NLGN4X: variants seen among roughly 807,000 people sequenced by gnomAD.
NLGN4X encodes the protein neuroligin 4 X-linked, also known as neuroligin-4, X-linked.
NLGN4X carries 3 observed loss-of-function variants against 40.3 expected under a neutral mutation model. The observed-to-expected ratio is 0.07, with a 90% CI of 0.03 to 0.19. The LOEUF (loss-of-function observed/expected upper bound fraction) is 0.19. NLGN4X is among the 10% of genes least tolerant of loss of function. The probability of loss-of-function intolerance (pLI) is 1.00; values close to 1 mark genes in which losing one functional copy is unlikely to be tolerated. For missense variants in NLGN4X, 382 were observed against 708.3 expected, an observed-to-expected ratio of 0.54 and a Z score of 5.23; for synonymous variants, 270 against 306.8, an observed-to-expected ratio of 0.88 and a Z score of 1.25.
intron 3 of NLGN4X, among the ~76,000 whole-genome samples, chrX:5,950,907 T>A (rs1481876912): frequency 3.6e-5 from 4 of 111,730 alleles, no homozygotes; most frequent in Non-Finnish European, 7.5e-5. Flanking sequence ...AGAAGAAACA[T>A]CCCCACCACA....
At chrX:6,009,006 T>C (rs925849058) in intron 3 of NLGN4X, among the ~76,000 whole-genome samples, 18 of 112,092 alleles carry the variant, frequency 1.6e-4, no homozygotes, top group Admixed American at 9.5e-5. Flanking sequence ...GGTTTATTTA[T>C]GTTGTAGCAT....
chrX:6,008,542 GTTAC>G (rs895805613), intron 3 of NLGN4X, among the ~76,000 whole-genome samples: 1 of 111,507 alleles, frequency 9.0e-6, no homozygotes, highest in African/African-American at 3.3e-5. Context: ...GTTTTTAAAA[GTTAC>G]TTTATTTTCT....
chrX:5,890,797 T>C lies in NLGN4X; in HGVS notation c.*2020A>G, dbSNP rs1278839166. The C allele has an allele frequency of 3.3e-5, 10 of 298,633 alleles. No individual in the cohort carries two copies. The highest frequency in any genetic ancestry group is 3.0e-4 in the Admixed American group (8 of 26,652). The allele number at this position is 298,633 out of a possible 1,213,427, so 24.6% of individuals were successfully genotyped here. A position where few individuals can be genotyped will look rare whatever the true frequency, so the allele number is the denominator to read the frequency against. ...CTCAAATTTAACCCAAGATAAGCAA[T>C]AGGATTTGGGGGTGACTTGTACGCA... On this transcript the variant is annotated 3_prime_UTR_variant, in exon 6 of 6. Coordinates refer to ENST00000381095, the MANE Select transcript of NLGN4X (RefSeq NM_181332.3).
chrX:6,185,733 G>GAA (rs371281478), intron 1 of NLGN4X, among the ~76,000 whole-genome samples: 1 of 111,718 alleles, frequency 9.0e-6, no homozygotes, highest in Non-Finnish European at 1.9e-5. Flanking sequence ...ATTGGAGTGT[G>GAA]AAAAAAACAG....
At chrX:5,911,208 G>A (rs1415135031) in intron 3 of NLGN4X, among the ~76,000 whole-genome samples, 1 of 111,704 alleles carries the variant, frequency 9.0e-6, no homozygotes, top group East Asian at 2.8e-4. Flanking sequence ...TTTTCTAACA[G>A]AACGATTCTG....
intron 3 of NLGN4X, among the ~76,000 whole-genome samples, chrX:5,931,116 T>C (rs970398546): frequency 8.9e-6 from 1 of 111,882 alleles, no homozygotes; most frequent in African/African-American, 3.3e-5. Context: ...TAGTGATGGG[T>C]TGGGAGGCAG....
At chrX:5,996,286 T>C (rs1378524351) in intron 3 of NLGN4X, among the ~76,000 whole-genome samples, 2 of 112,392 alleles carry the variant, frequency 1.8e-5, no homozygotes, top group African/African-American at 3.2e-5. Context: ...GGTGTGCCCA[T>C]CTAGATAAGA....
At chrX:6,081,191 G>C (rs999311030) in intron 2 of NLGN4X, among the ~76,000 whole-genome samples, 2 of 111,752 alleles carry the variant, frequency 1.8e-5, no homozygotes, top group African/African-American at 6.5e-5. Flanking sequence ...CAGAGGCTGA[G>C]GTGGGAGGAT....
At chrX:5,944,055 T>C (rs750222832) in intron 3 of NLGN4X, among the ~76,000 whole-genome samples, 20 of 112,081 alleles carry the variant, frequency 1.8e-4, no homozygotes, top group Non-Finnish European at 3.4e-4. Context: ...GTAGCTCAGA[T>C]TACCTGGCTT....
chrX:6,050,995 G>A (rs1175622021), intron 2 of NLGN4X, among the ~76,000 whole-genome samples: 4 of 111,719 alleles, frequency 3.6e-5, no homozygotes, highest in East Asian at 2.8e-4. Flanking sequence ...CCCACAAGAT[G>A]AGACCAGAGG....
intron 1 of NLGN4X, among the ~76,000 whole-genome samples, chrX:6,173,086 C>A (rs971913843): frequency 8.9e-6 from 1 of 112,361 alleles, no homozygotes; most frequent in Middle Eastern, 4.2e-3. Flanking sequence ...CGCCCCCACT[C>A]CACTCTCTGA....
chrX:6,213,077 G>C (rs1924759350), intron 1 of NLGN4X, among the ~76,000 whole-genome samples: 1 of 106,398 alleles, frequency 9.4e-6, no homozygotes, highest in African/African-American at 3.4e-5. Context: ...GACTAGACTT[G>C]GGCAGGGAGG....
chrX:5,953,918 G>T (rs1871382845), intron 3 of NLGN4X, among the ~76,000 whole-genome samples: 1 of 111,507 alleles, frequency 9.0e-6, no homozygotes, highest in Non-Finnish European at 1.9e-5. Context: ...TATGGATTGT[G>T]AATTTGAATG....
intron 3 of NLGN4X, among the ~76,000 whole-genome samples, chrX:5,941,639 T>C (rs1461823470): frequency 8.9e-6 from 1 of 112,235 alleles, no homozygotes; most frequent in East Asian, 2.8e-4. Context: ...CGCAAACTGA[T>C]TAAACATTCA....
intron 2 of NLGN4X, among the ~76,000 whole-genome samples, chrX:6,057,179 T>C (rs1457891688): frequency 1.8e-5 from 2 of 110,851 alleles, no homozygotes; most frequent in Non-Finnish European, 3.8e-5. Context: ...CAAAAAGGAG[T>C]TTCATAATGT....
intron 3 of NLGN4X, among the ~76,000 whole-genome samples, chrX:6,025,503 C>T (rs1046679325): frequency 8.9e-6 from 1 of 112,077 alleles, no homozygotes; most frequent in African/African-American, 3.2e-5. Flanking sequence ...TAATACAATG[C>T]ATAATGGTAT....
intron 1 of NLGN4X, among the ~76,000 whole-genome samples, chrX:6,197,167 T>C (rs1211565977): frequency 8.9e-6 from 1 of 112,099 alleles, no homozygotes; most frequent in Non-Finnish European, 1.9e-5. Flanking sequence ...AAAATTCTTC[T>C]GGACTTTATT....
intron 2 of NLGN4X, among the ~76,000 whole-genome samples, chrX:6,144,929 G>A (rs2040016470): frequency 9.0e-6 from 1 of 111,008 alleles, no homozygotes; most frequent in African/African-American, 3.3e-5. Flanking sequence ...GGTAGGGGTG[G>A]AGGGCGGTGC....
chrX:5,931,254 T>C (rs909934170), intron 3 of NLGN4X, among the ~76,000 whole-genome samples: 1 of 112,027 alleles, frequency 8.9e-6, no homozygotes, highest in East Asian at 2.8e-4. Context: ...TCATTATGAA[T>C]TACTTAATAT....
Sources: allele counts gnomAD v4.1 joint callset (sites outside exome capture counted in the v4.1 genomes callset), GRCh38; gene constraint gnomAD v4.1.1; transcripts MANE v1.5; gene names NCBI Gene and HGNC (gene_info 2026-07-23, HGNC 2026-07-21).